CLCA1: variants seen among roughly 807,000 people sequenced by gnomAD.
CLCA1 encodes the protein chloride channel accessory 1.
CLCA1 carries 59 observed loss-of-function variants against 85.6 expected under a neutral mutation model. The observed-to-expected ratio is 0.69, with a 90% CI of 0.56 to 0.86. CLCA1 has a LOEUF of 0.86. Ranked by LOEUF, CLCA1 falls within the 40% of genes least tolerant of loss-of-function variation. The pLI is 0.00. For synonymous variants in CLCA1, 396 were observed against 398.3 expected (o/e 0.99, Z 0.07); for missense variants, 1,022 against 1,101.4 (o/e 0.93, Z 1.02).
intron 8 of CLCA1, among the ~76,000 whole-genome samples, chr1:86,490,276 G>A (rs1019884467): frequency 7.2e-5 from 11 of 152,214 alleles, no homozygotes; most frequent in Admixed American, 3.3e-4. Flanking sequence ...GCTGGGAAGA[G>A]ATGCACTTGG....
chr1:86,482,065 T>G, intron 4 of CLCA1, 140 bp from the exon 5 acceptor site: 1 of 634,484 alleles, frequency 1.6e-6, no homozygotes. Context: ...AATTTAACAC[T>G]TTTGCTATGA....
chr1:86,489,287 T>C, intron 8 of CLCA1, 117 bp downstream of exon 8: 1 of 943,604 alleles, frequency 1.1e-6, no homozygotes, highest in East Asian at 2.6e-5. Flanking sequence ...CCTAATTGGC[T>C]AACTAGCCAC....
At chr1:86,495,413 T>C (rs1292792691) in intron 11 of CLCA1, 92 bp from the exon 12 acceptor site, 2 of 1,067,430 alleles carry the variant, frequency 1.9e-6, no homozygotes, top group East Asian at 2.5e-5. Flanking sequence ...GAATTTCTTG[T>C]TGCTTTGAAA....
chr1:86,470,175 T>C (rs1392803630), intron 1 of CLCA1, among the ~76,000 whole-genome samples: 6 of 152,018 alleles, frequency 3.9e-5, no homozygotes, highest in African/African-American at 1.2e-4. Context: ...GAGGCAAATA[T>C]AGAAAGATAA....
chr1:86,493,512 C>A lies in CLCA1; in HGVS notation c.1593C>A (p.Leu531=). 1 of 1,614,058 alleles carries A rather than the reference C, an allele frequency of 6.2e-7. No homozygotes were observed. Among genetic ancestry groups the A allele is most frequent in the South Asian group, 1.1e-5 (1 of 91,078 alleles). The change falls in exon 10 of 14, where the codon CTC becomes CTA. Residue 531 remains leucine (L), a synonymous_variant. Coordinates refer to ENST00000394711, the MANE Select transcript of CLCA1 (RefSeq NM_001285.4). ...TWTMQPPQIL[L]WDPSGQKQGG... ...CAATGCAGCCTCCCCAAATCCTTCT[C>A]TGGGATCCCAGTGGACAGAAGCAAG...
chr1:86,498,758 G>A lies in CLCA1; in HGVS notation c.2300G>A (p.Ser767Asn). The A allele has an allele frequency of 6.2e-7, 1 of 1,614,110 alleles. No homozygotes were observed. Among genetic ancestry groups the A allele is most frequent in the South Asian group, 1.1e-5 (1 of 91,072 alleles). ...CTGAAGGCGGAAATTCACGGGGGCA[G>A]TCTCATTAATCTGACTTGGACAGCT... ...TDLKAEIHGG[S>N]LINLTWTAPG... The change falls in exon 13 of 14, where the codon AGT (serine) becomes AAT (asparagine). Residue 767 changes from serine (S) to asparagine (N), a missense_variant. By Grantham distance (46) the Ser-to-Asn change is conservative. Transcript: ENST00000394711.
chr1:86,476,547 C>G lies in CLCA1; in HGVS notation c.551C>G (p.Ala184Gly). Reference protein sequence around the residue: ...KFYLSNGRIQAVRCSAGITGT... With the variant: ...KFYLSNGRIQGVRCSAGITGT... ...TACTTATCCAATGGAAGAATACAAG[C>G]AGTAAGGTATGTATATTTTGATTTA... Residue 184 changes from alanine to glycine, a missense_variant, in exon 4 of 14, where the codon GCA becomes GGA. Coordinates refer to ENST00000394711, the MANE Select transcript of CLCA1 (RefSeq NM_001285.4). 1.4e-6 allele frequency: 2 copies of G among 1,477,228 alleles called. No homozygotes were observed. The highest frequency in any genetic ancestry group is 1.1e-5 in the South Asian group (1 of 87,838). 91.5% of individuals were successfully genotyped at this position (1,477,228 alleles called of 1,614,324 possible). A position where few individuals can be genotyped will look rare whatever the true frequency, so the allele number is the denominator to read the frequency against.
rs372181964 is a variant in CLCA1, at chr1:86,495,469, G to A, written c.1943-36G>A. The A allele has an allele frequency of 1.2e-4, 191 of 1,544,904 alleles. 1 individual carries two copies. The African/African-American group carries it at 2.2e-3, about 18-fold the overall frequency. ...TTGGAAATATACAAATACCCTCCCCGTTACCTATTTATTAATTCCTTCATT... is the reference window on the plus strand; with the variant it reads ...TTGGAAATATACAAATACCCTCCCCATTACCTATTTATTAATTCCTTCATT... On this transcript the variant is annotated intron_variant, in intron 11 of 13. Transcript: ENST00000394711.
chr1:86,495,048 A>AC (rs1399505299), intron 11 of CLCA1, among the ~76,000 whole-genome samples: 2 of 152,028 alleles, frequency 1.3e-5, no homozygotes, highest in Non-Finnish European at 2.9e-5. Context: ...TAAAAAAAAA[A>AC]AAAAAACATG....
At chr1:86,494,554 C>A in intron 11 of CLCA1, 106 bp downstream of exon 11, 2 of 1,179,660 alleles carry the variant, frequency 1.7e-6, no homozygotes, top group Non-Finnish European at 2.4e-6. Flanking sequence ...GGCAAGGCAG[C>A]ACAGCACTGA....
At chr1:86,485,698 C>T (rs1647946656) in intron 6 of CLCA1, 137 bp downstream of exon 6, 1 of 736,728 alleles carries the variant, frequency 1.4e-6, no homozygotes, top group Non-Finnish European at 2.3e-6. Context: ...TTCAGAAATG[C>T]CCACTTCAAC....
intron 10 of CLCA1, 102 bp downstream of exon 10, chr1:86,493,701 G>C (rs1171766394): frequency 3.4e-6 from 3 of 874,682 alleles, no homozygotes; most frequent in Non-Finnish European, 5.3e-6. Context: ...GCTAAAAGGA[G>C]AGTCAGTATT....
chr1:86,470,362 T>C (rs1431658264), intron 1 of CLCA1, among the ~76,000 whole-genome samples: 4 of 152,174 alleles, frequency 2.6e-5, no homozygotes, highest in Admixed American at 2.6e-4. Flanking sequence ...CTCTCAATCA[T>C]CTAAAATGTT....
chr1:86,470,373 G>C (rs1647468893), intron 1 of CLCA1, among the ~76,000 whole-genome samples: 1 of 152,166 alleles, frequency 6.6e-6, no homozygotes, highest in African/African-American at 2.4e-5. Flanking sequence ...CTAAAATGTT[G>C]AGTGAGTTTT....
chr1:86,472,739 A>C (rs887707828), intron 1 of CLCA1, among the ~76,000 whole-genome samples: 3 of 152,248 alleles, frequency 2.0e-5, no homozygotes, highest in African/African-American at 7.2e-5. Flanking sequence ...TGCACAAAAA[A>C]TAAATACTTC....
chr1:86,499,607 C>G (rs1209906872), intron 13 of CLCA1, 47 bp from the exon 14 acceptor site: 5 of 1,284,264 alleles, frequency 3.9e-6, no homozygotes, highest in Non-Finnish European at 4.3e-6. Context: ...TAAGAAGTTT[C>G]TTTAATATTT....
chr1:86,493,339 TG>T (rs754219426), intron 9 of CLCA1, 44 bp from the exon 10 acceptor site: 7 of 1,466,678 alleles, frequency 4.8e-6, no homozygotes, highest in Non-Finnish European at 5.7e-6. Flanking sequence ...GATCATGTGA[TG>T]GGAGCTGTAT....
Position 86,473,833 on chromosome 1 carries a change from T to C in CLCA1, c.408T>C (p.Pro136=), listed in dbSNP as rs201519383. 6.6e-5 allele frequency: 107 copies of C among 1,611,506 alleles called. 1 individual carries two copies. The East Asian group carries it at 1.2e-3, about 18-fold the overall frequency. Reference sequence around the variant, plus strand: ...AGGGTGAAAGGATCCACCTCACTCCTGATTTCATTGCAGGAAAAAAGTTAG... The same window carrying C: ...AGGGTGAAAGGATCCACCTCACTCCCGATTTCATTGCAGGAAAAAAGTTAG... ...GEKGERIHLT[P]DFIAGKKLAE... Residue 136 remains proline (P), a synonymous_variant, in exon 3 of 14, where the codon CCT becomes CCC. Coordinates refer to ENST00000394711, the MANE Select transcript of CLCA1 (RefSeq NM_001285.4).
chr1:86,492,158 A>C (rs1434966206), intron 9 of CLCA1, among the ~76,000 whole-genome samples: 2 of 152,244 alleles, frequency 1.3e-5, no homozygotes, highest in Non-Finnish European at 2.9e-5. Context: ...ATGAAAGTTC[A>C]GATAAAGATA....
Sources: gnomAD v4.1 joint callset for allele counts (sites outside exome capture counted in the v4.1 genomes callset) on GRCh38, gnomAD v4.1.1 for gene constraint, MANE v1.5 for transcripts, NCBI Gene and HGNC (gene_info 2026-07-23, HGNC 2026-07-21) for gene names.